SETBP1: variants seen among roughly 807,000 people sequenced by gnomAD.
The protein encoded by SETBP1 is SET binding protein 1.
SETBP1 carries 9 observed loss-of-function variants against 101.0 expected under a neutral mutation model. The ratio of observed to expected loss-of-function variants is 0.09; its 90% CI spans 0.05 to 0.16. The LOEUF is 0.16. Ranked by LOEUF, SETBP1 falls within the 10% of genes least tolerant of loss-of-function variation. The pLI, the probability that SETBP1 is intolerant of heterozygous loss-of-function variation, is 1.00. For synonymous variants in SETBP1, 818 were observed against 788.5 expected, an observed-to-expected ratio of 1.04 and a Z score of -0.63; for missense variants, 1,858 against 2,033.8, an observed-to-expected ratio of 0.91 and a Z score of 1.66.
intron 3 of SETBP1, among the ~76,000 whole-genome samples, chr18:44,895,252 G>C (rs1202166026): frequency 1.3e-5 from 1 of 78,398 alleles, no homozygotes; most frequent in African/African-American, 4.9e-5. Context: ...GGGGGAGGGA[G>C]GGAGGAAGGA....
At chr18:44,917,300 T>G (rs2070451944) in intron 3 of SETBP1, among the ~76,000 whole-genome samples, 1 of 152,144 alleles carries the variant, frequency 6.6e-6, no homozygotes. Flanking sequence ...TTTTGAACAG[T>G]GCTTTCCAAG....
intron 4 of SETBP1, among the ~76,000 whole-genome samples, chr18:45,016,731 GCACACACA>G (rs60965207): frequency 0.03 from 3,632 of 122,774 alleles, 60 homozygotes; most frequent in Admixed American, 0.062. Flanking sequence ...ATTGGTGCGC[GCACACACA>G]CACACACACA....
chr18:44,972,987 T>C (rs1373287015), intron 4 of SETBP1, among the ~76,000 whole-genome samples: 6 of 152,188 alleles, frequency 3.9e-5, no homozygotes, highest in African/African-American at 7.2e-5. Context: ...AGTTTTTGCC[T>C]ATTGAGTATG....
intron 4 of SETBP1, among the ~76,000 whole-genome samples, chr18:44,977,954 C>T (rs2072026994): frequency 6.6e-6 from 1 of 152,150 alleles, no homozygotes; most frequent in Admixed American, 6.5e-5. Flanking sequence ...AGTTCAGCGG[C>T]ATGGTGCATT....
At chr18:45,029,989 G>A (rs1207097071) in intron 4 of SETBP1, among the ~76,000 whole-genome samples, 1 of 147,638 alleles carries the variant, frequency 6.8e-6, no homozygotes, top group African/African-American at 2.5e-5. Flanking sequence ...TTTCCTAATT[G>A]AATACCCTTT....
chr18:44,895,850 T>C (rs2069890343), intron 3 of SETBP1, among the ~76,000 whole-genome samples: 1 of 152,160 alleles, frequency 6.6e-6, no homozygotes, highest in Non-Finnish European at 1.5e-5. Flanking sequence ...AATGACACTT[T>C]TTTTGCATTA....
At chr18:44,800,339 T>C (rs2064864293) in intron 2 of SETBP1, among the ~76,000 whole-genome samples, 2 of 152,142 alleles carry the variant, frequency 1.3e-5, no homozygotes, top group Admixed American at 1.3e-4. Context: ...TGGGAGTCCT[T>C]TAGAAGCAGC....
chr18:44,931,053 C>T (rs1047210021), intron 3 of SETBP1, among the ~76,000 whole-genome samples: 8 of 152,278 alleles, frequency 5.3e-5, no homozygotes, highest in South Asian at 2.1e-4. Flanking sequence ...TTAGATCTTT[C>T]CTGCTTTCTC....
intron 5 of SETBP1, among the ~76,000 whole-genome samples, chr18:45,057,127 T>C (rs11665367): frequency 0.46 from 69,817 of 151,750 alleles, 16,182 homozygotes; most frequent in Non-Finnish European, 0.48. Context: ...TTCTGTAGCA[T>C]TTGTGTTGAT....
At chr18:44,709,649 G>C (rs1162319119) in intron 2 of SETBP1, among the ~76,000 whole-genome samples, 1 of 152,106 alleles carries the variant, frequency 6.6e-6, no homozygotes, top group African/African-American at 2.4e-5. Flanking sequence ...CCATCCATAG[G>C]AGCTTCCTTA....
At chr18:44,720,913 C>G (rs533310706) in intron 2 of SETBP1, among the ~76,000 whole-genome samples, 16 of 141,814 alleles carry the variant, frequency 1.1e-4, no homozygotes, top group East Asian at 6.8e-4. Context: ...CCCCACCCCC[C>G]ACCCCAACCC....
chr18:44,903,900 A>T (rs1412682720), intron 3 of SETBP1, among the ~76,000 whole-genome samples: 4 of 152,256 alleles, frequency 2.6e-5, no homozygotes, highest in African/African-American at 9.6e-5. Context: ...TGATAGTCTG[A>T]TGTTGTTATT....
At chr18:44,724,915 C>T (rs1254062328) in intron 2 of SETBP1, among the ~76,000 whole-genome samples, 1 of 152,074 alleles carries the variant, frequency 6.6e-6, no homozygotes, top group Non-Finnish European at 1.5e-5. Flanking sequence ...TATGAATGAG[C>T]AAGAATATTA....
intron 2 of SETBP1, among the ~76,000 whole-genome samples, chr18:44,804,202 G>A (rs2071676876): frequency 6.6e-6 from 1 of 152,114 alleles, no homozygotes; most frequent in East Asian, 1.9e-4. Flanking sequence ...AGGATATAGT[G>A]TGTGCATGGT....
intron 3 of SETBP1, chr18:44,876,986 C>CT: frequency 8.1e-7 from 1 of 1,229,508 alleles, no homozygotes; most frequent in Non-Finnish European, 1.0e-6. Context: ...GCAGCATTCA[C>CT]TGTCTTCCAG....
In SETBP1 at chr18:44,951,983, A is replaced by T. The variant is rs1264493722; in HGVS notation, c.2643A>T (p.Gln881His). 6.2e-7 allele frequency: 1 copy of T among 1,614,092 alleles called. No homozygotes were observed. Among genetic ancestry groups the T allele is most frequent in the Non-Finnish European group, 8.5e-7 (1 of 1,180,032 alleles). ...CAGACAACAACAGCACTTCTGACCA[A>T]GCGGAGAAGAGCTCAGAATCCCGAA... ...IGTDNNSTSD[Q>H]AEKSSESRRR... Residue 881 changes from glutamine to histidine, a missense_variant, in exon 4 of 6, where the codon CAA (glutamine) becomes CAT (histidine). Coordinates refer to ENST00000649279, the MANE Select transcript of SETBP1 (RefSeq NM_015559.3). This position sits in a 1 kb window ranked among gnomAD's most constrained non-coding sequence, Gnocchi z 7.8.
chr18:44,861,638 G>T (rs1401527189), intron 2 of SETBP1, among the ~76,000 whole-genome samples: 2 of 152,082 alleles, frequency 1.3e-5, no homozygotes, highest in Non-Finnish European at 2.9e-5. Context: ...AGTTAGCCAA[G>T]CCAGGCTCAA....
At chr18:44,963,550 C>A (rs559148031) in intron 4 of SETBP1, among the ~76,000 whole-genome samples, 12 of 152,174 alleles carry the variant, frequency 7.9e-5, no homozygotes, top group African/African-American at 2.9e-4. Context: ...ATTTAAGGGG[C>A]TTTACCCACC....
At chr18:44,932,924 C>T (rs1028054480) in intron 3 of SETBP1, among the ~76,000 whole-genome samples, 1 of 151,952 alleles carries the variant, frequency 6.6e-6, no homozygotes, top group Non-Finnish European at 1.5e-5. Flanking sequence ...TTGTTATTAC[C>T]GATCATTTGA....
Sources: allele counts gnomAD v4.1 joint callset (sites outside exome capture counted in the v4.1 genomes callset), GRCh38; gene constraint gnomAD v4.1.1; non-coding constraint Gnocchi (gnomAD v3.1); transcripts MANE v1.5; gene names NCBI Gene and HGNC (gene_info 2026-07-23, HGNC 2026-07-21).